LSAMP: variants seen among roughly 807,000 people sequenced by gnomAD.
LSAMP encodes the protein limbic system-associated membrane protein.
LSAMP carries 7 observed loss-of-function variants against 38.6 expected under a neutral mutation model. The ratio of observed to expected loss-of-function variants is 0.18; its 90% confidence interval spans 0.10 to 0.34. The LOEUF is 0.34. Among genes scored for constraint, LSAMP ranks in the 10% least tolerant of loss-of-function variants. The pLI is 1.00. For synonymous variants in LSAMP, 154 were observed against 166.8 expected (o/e 0.92, Z 0.59); for missense variants, 313 against 420.0 (o/e 0.75, Z 2.23).
chr3:116,306,431 T>C (rs1301640525), intron 1 of LSAMP, among the ~76,000 whole-genome samples: 1 of 152,070 alleles, frequency 6.6e-6, no homozygotes, highest in African/African-American at 2.4e-5. Context: ...CAATTCTTAG[T>C]GCATACCTAG....
At chr3:116,034,396 T>A (rs1052535552) in intron 2 of LSAMP, among the ~76,000 whole-genome samples, 1 of 152,150 alleles carries the variant, frequency 6.6e-6, no homozygotes, top group Non-Finnish European at 1.5e-5. Flanking sequence ...TCCCTGTCTG[T>A]TCCTCTACCC....
rs2048075676 is a variant in LSAMP, at chr3:116,347,229, G to GATAA, written c.155+97647_155+97648insTTAT. On this transcript the variant is annotated intron_variant, in intron 1 of 6. Transcript: ENST00000490035. ...TTCCTTCTATTCACTCTTTATGACA[G>GATAA]GAGCTTTGATGGTGAGGGCCAACCT... Among the ~76,000 whole-genome samples the GATAA allele has an allele frequency of 2.0e-5, 3 of 152,286 alleles. No individual in the cohort carries two copies. In the South Asian group the frequency reaches 6.2e-4, roughly 32 times the overall value.
chr3:116,294,535 T>C lies in LSAMP; in HGVS notation c.155+150342A>G, dbSNP rs189563022. ...TCTTATAATAAAGAACAAAGATTTT[T>C]TTTGGTTACCATAGCAGCAGTGATT... On this transcript the variant is annotated intron_variant, in intron 1 of 6. Transcript: ENST00000490035. Among the ~76,000 whole-genome samples, 29 of 152,324 alleles carry C rather than the reference T, an allele frequency of 1.9e-4. No individual in the cohort carries two copies. The East Asian group carries it at 4.8e-3, about 25-fold the overall frequency.
intron 3 of LSAMP, among the ~76,000 whole-genome samples, chr3:115,904,495 A>G (rs926828829): frequency 1.3e-5 from 2 of 152,182 alleles, no homozygotes; most frequent in Non-Finnish European, 2.9e-5. Context: ...CAAATTTACC[A>G]TACAACTCCT....
intron 1 of LSAMP, among the ~76,000 whole-genome samples, chr3:116,131,142 C>T (rs1441295098): frequency 2.0e-5 from 3 of 152,050 alleles, no homozygotes; most frequent in Non-Finnish European, 4.4e-5. Context: ...AGGCGCCCTC[C>T]ACCTCGCCTG....
chr3:115,815,757 G>A (rs1933996998), intron 6 of LSAMP, among the ~76,000 whole-genome samples: 1 of 152,164 alleles, frequency 6.6e-6, no homozygotes, highest in African/African-American at 2.4e-5. Flanking sequence ...AGAAAAGAAA[G>A]GCTGAAAGGG....
intron 2 of LSAMP, among the ~76,000 whole-genome samples, chr3:116,061,080 G>C (rs1209484103): frequency 6.6e-6 from 1 of 151,918 alleles, no homozygotes; most frequent in East Asian, 1.9e-4. Flanking sequence ...GAGACCGCTG[G>C]GACATCTAAC....
intron 1 of LSAMP, among the ~76,000 whole-genome samples, chr3:116,103,849 G>C (rs147809700): frequency 4.3e-4 from 65 of 152,000 alleles, no homozygotes; most frequent in Non-Finnish European, 7.4e-4. Context: ...AAAATCCTAC[G>C]GGTATTCAAT....
At chr3:116,285,100 C>T (rs371796568) in intron 1 of LSAMP, among the ~76,000 whole-genome samples, 8 of 152,258 alleles carry the variant, frequency 5.3e-5, no homozygotes, top group South Asian at 2.1e-4. Context: ...TTGATCACTA[C>T]GACTGGTTTG....
intron 2 of LSAMP, among the ~76,000 whole-genome samples, chr3:116,050,341 A>ACTAT (rs1450562615): frequency 6.6e-6 from 1 of 152,096 alleles, no homozygotes; most frequent in Non-Finnish European, 1.5e-5. Flanking sequence ...AGAGCACTGC[A>ACTAT]CTATCCCCCT....
At chr3:116,048,165 G>A (rs551345698) in intron 2 of LSAMP, among the ~76,000 whole-genome samples, 104 of 152,308 alleles carry the variant, frequency 6.8e-4, no homozygotes, top group African/African-American at 2.4e-3. Context: ...GTAGCAAATG[G>A]TAAAGGGATT....
intron 1 of LSAMP, among the ~76,000 whole-genome samples, chr3:116,393,724 TATG>T (rs2048732501): frequency 6.6e-6 from 1 of 152,214 alleles, no homozygotes; most frequent in African/African-American, 2.4e-5. Context: ...ATGTCCAATC[TATG>T]ATATCCTTTT....
intron 1 of LSAMP, among the ~76,000 whole-genome samples, chr3:116,291,502 A>G (rs1053336994): frequency 2.0e-5 from 3 of 152,188 alleles, no homozygotes; most frequent in Non-Finnish European, 4.4e-5. Flanking sequence ...AATGTTTTCA[A>G]TTTCTCATAT....
chr3:115,816,700 TAAG>T (rs1291478563), intron 6 of LSAMP: 12 of 1,093,798 alleles, frequency 1.1e-5, no homozygotes, highest in East Asian at 5.9e-5. Flanking sequence ...CTTTATCAAT[TAAG>T]AAGAAACACA....
chr3:116,006,779 C>T (rs562445837), intron 3 of LSAMP, among the ~76,000 whole-genome samples: 1 of 152,154 alleles, frequency 6.6e-6, no homozygotes, highest in Non-Finnish European at 1.5e-5. Flanking sequence ...GACTTTTGTT[C>T]CGAGGTGAAA....
intron 1 of LSAMP, among the ~76,000 whole-genome samples, chr3:116,316,510 C>T (rs534443261): frequency 6.6e-5 from 10 of 152,270 alleles, no homozygotes; most frequent in African/African-American, 1.2e-4. Flanking sequence ...CCGTGGCTCA[C>T]GCCTGTAATC....
chr3:116,328,565 A>G (rs958021971), intron 1 of LSAMP, among the ~76,000 whole-genome samples: 3 of 152,160 alleles, frequency 2.0e-5, no homozygotes, highest in African/African-American at 2.4e-5. Flanking sequence ...AATGAGAACC[A>G]TTTGTTAACA....
intron 3 of LSAMP, among the ~76,000 whole-genome samples, chr3:115,911,178 T>C (rs985932132): frequency 2.0e-5 from 3 of 152,158 alleles, no homozygotes; most frequent in African/African-American, 4.8e-5. Flanking sequence ...ATTTTACACA[T>C]GGTAAAAGCT....
intron 3 of LSAMP, among the ~76,000 whole-genome samples, chr3:115,975,094 C>A (rs142641936): frequency 0.01 from 1,588 of 152,098 alleles, 14 homozygotes; most frequent in African/African-American, 0.018. Flanking sequence ...GATTATGGAT[C>A]CTATTTAGAA....
Sources: allele counts gnomAD v4.1 joint callset (sites outside exome capture counted in the v4.1 genomes callset), GRCh38; gene constraint gnomAD v4.1.1; transcripts MANE v1.5; gene names NCBI Gene and HGNC (gene_info 2026-07-23, HGNC 2026-07-21).